FAM83F: variants seen among roughly 807,000 people sequenced by gnomAD.
FAM83F encodes the protein protein FAM83F.
A neutral mutation model predicts 42.9 loss-of-function variants in FAM83F; 45 were observed. That is an observed-to-expected ratio of 1.05 (90% CI 0.83 to 1.35). The LOEUF is 1.35. Ranked by LOEUF, FAM83F falls within the 40% of genes most tolerant of loss-of-function variation. The pLI, the probability that FAM83F is intolerant of heterozygous loss-of-function variation, is 0.00. For missense variants in FAM83F, 617 were observed against 695.9 expected (o/e 0.89, Z 1.28); for synonymous variants, 306 against 298.3 (o/e 1.03, Z -0.27).
intron 1 of FAM83F, among the ~76,000 whole-genome samples, chr22:40,005,631 G>T (rs1031612410): frequency 1.3e-5 from 2 of 152,194 alleles, no homozygotes; most frequent in Admixed American, 6.5e-5. Flanking sequence ...ATTCAACCTT[G>T]TCGAGAGTGA....
intron 4 of FAM83F, among the ~76,000 whole-genome samples, chr22:40,025,857 C>T (rs568609540): frequency 2.8e-4 from 43 of 152,312 alleles, no homozygotes; most frequent in African/African-American, 9.1e-4. Context: ...CAGCCGACTC[C>T]GTGGCGACTG....
At position 40,041,504 on chromosome 22, in the gene FAM83F, A is replaced by C. The variant is rs1460704773; in HGVS notation, c.*11939A>C. On this transcript the variant is annotated 3_prime_UTR_variant, in exon 5 of 5. Transcript: ENST00000333407. ...GCTTAACATTCACACCAGGCTGAGTAAGCCCCAAAAGTCCTGCCATTGGCT... is the reference window on the plus strand; with the variant it reads ...GCTTAACATTCACACCAGGCTGAGTCAGCCCCAAAAGTCCTGCCATTGGCT... The C allele has an allele frequency of 6.6e-6, 1 of 152,224 alleles. No individual in the cohort carries two copies. The highest frequency in any genetic ancestry group is 1.5e-5 in the Non-Finnish European group (1 of 68,038). The allele number at this position is 152,224 out of a possible 1,614,324, so 9.4% of individuals were successfully genotyped here.
At chr22:40,001,255 T>TA (rs1447744534) in intron 1 of FAM83F, among the ~76,000 whole-genome samples, 1 of 152,144 alleles carries the variant, frequency 6.6e-6, no homozygotes, top group Non-Finnish European at 1.5e-5. Context: ...TCTGACCACT[T>TA]ACTCACTGTG....
intron 4 of FAM83F, among the ~76,000 whole-genome samples, chr22:40,027,921 G>T (rs545255684): frequency 1.5e-5 from 2 of 129,584 alleles, no homozygotes; most frequent in East Asian, 5.4e-4. Flanking sequence ...AGGTTGATTT[G>T]CTTACCTGCC....
At chr22:40,003,930 G>C (rs577284843) in intron 1 of FAM83F, among the ~76,000 whole-genome samples, 4 of 152,212 alleles carry the variant, frequency 2.6e-5, no homozygotes, top group Admixed American at 2.0e-4. Context: ...TCAGCAGTGA[G>C]TCAGGAGATG....
At chr22:39,997,198 G>A (rs1156634910) in intron 1 of FAM83F, among the ~76,000 whole-genome samples, 1 of 152,218 alleles carries the variant, frequency 6.6e-6, no homozygotes, top group Non-Finnish European at 1.5e-5. Context: ...CACTGCCCCA[G>A]TGTCTGAAAT....
rs1601770045 is a variant in FAM83F, at chr22:40,019,924, A to G, written c.695A>G (p.Tyr232Cys). ...RVRSVTGVGFYMPMGRIKGTL... is the reference protein window; with the variant it reads ...RVRSVTGVGFCMPMGRIKGTL... Reference sequence around the variant, plus strand: ...CGCTCTGTGACAGGCGTCGGCTTCTACATGCCCATGGGGAGGATCAAGGGG... The same window carrying G: ...CGCTCTGTGACAGGCGTCGGCTTCTGCATGCCCATGGGGAGGATCAAGGGG... Residue 232 changes from tyrosine to cysteine, a missense_variant, in exon 3 of 5, where the codon TAC (tyrosine) becomes TGC (cysteine). By Grantham distance (194) the Tyr-to-Cys change is radical. Transcript: ENST00000333407. The G allele has an allele frequency of 1.4e-5, 22 of 1,613,436 alleles. No homozygotes were observed. Among genetic ancestry groups the G allele is most frequent in the Non-Finnish European group, 1.9e-5 (22 of 1,179,662 alleles).
rs2067629716 is a variant in FAM83F, at chr22:40,037,192, T to G, written c.*7627T>G. The stretch of plus-strand genomic sequence containing the variant: ...TTCGAAACCAGCCTGGCCAACGTGG[T>G]GAAACCCTGTCTCTATTAAAAATAC... On this transcript the variant is annotated 3_prime_UTR_variant, in exon 5 of 5. Coordinates refer to ENST00000333407, the MANE Select transcript of FAM83F (RefSeq NM_138435.4). 1 of 152,146 alleles carries G rather than the reference T, an allele frequency of 6.6e-6. No homozygotes were observed. Among genetic ancestry groups the G allele is most frequent in the African/African-American group, 2.4e-5 (1 of 41,410 alleles). 9.4% of individuals were successfully genotyped at this position (152,146 alleles called of 1,614,324 possible). A position where few individuals can be genotyped will look rare whatever the true frequency, so the allele number is the denominator to read the frequency against.
rs1418065970 is a variant in FAM83F, at chr22:40,019,147, C to G, written c.490-21C>G. On this transcript the variant is annotated intron_variant, in intron 1 of 4. Coordinates refer to ENST00000333407, the MANE Select transcript of FAM83F (RefSeq NM_138435.4). ...GGGCGTGTAGACACCGTGTGCCTCA[C>G]CAGTGCCTTTCCCCACCCAGGTCAT... The G allele has an allele frequency of 1.9e-6, 3 of 1,612,510 alleles. No individual in the cohort carries two copies. The South Asian group carries it at 3.3e-5, about 18-fold the overall frequency.
rs1323282141 is a variant in FAM83F, at chr22:40,035,991, T to G, written c.*6426T>G. ...TGTTCACCTGAAGGAAGCTACAGAG[T>G]TCAGGTTTCTTTTTTCTTTCTTTCT... is the stretch of plus-strand genomic sequence containing the variant. On this transcript the variant is annotated 3_prime_UTR_variant, in exon 5 of 5. Transcript: ENST00000333407. 1 of 152,086 alleles carries G rather than the reference T, an allele frequency of 6.6e-6. No homozygotes were observed. The highest frequency in any genetic ancestry group is 1.9e-4 in the East Asian group (1 of 5,182). The allele number at this position is 152,086 out of a possible 1,614,324, so 9.4% of individuals were successfully genotyped here.
chr22:40,042,285 G>T lies in FAM83F; in HGVS notation c.*12720G>T, dbSNP rs2067654832. ...TTGTCTCTGGGAGGGAAGGCACAAT[G>T]AGGTGGAGTGGACAAATTGCTGAGG... On this transcript the variant is annotated 3_prime_UTR_variant, in exon 5 of 5. Transcript: ENST00000333407. The T allele has an allele frequency of 6.6e-6, 1 of 152,222 alleles. No homozygotes were observed. 9.4% of individuals were successfully genotyped at this position (152,222 alleles called of 1,614,324 possible). A position where few individuals can be genotyped will look rare whatever the true frequency, so the allele number is the denominator to read the frequency against.
In FAM83F at chr22:40,021,853, A is replaced by C; in HGVS notation, c.1343A>C (p.Lys448Thr). The C allele has an allele frequency of 6.2e-7, 1 of 1,612,462 alleles. No individual in the cohort carries two copies. Among genetic ancestry groups the C allele is most frequent in the Non-Finnish European group, 8.5e-7 (1 of 1,179,572 alleles). The change falls in exon 4 of 5, where the codon AAG becomes ACG. Residue 448 changes from lysine to threonine, a missense_variant. Physicochemically the swap from Lys to Thr is moderately conservative, Grantham distance 78. Coordinates refer to ENST00000333407, the MANE Select transcript of FAM83F (RefSeq NM_138435.4). This position sits in a 1 kb window ranked among gnomAD's most constrained non-coding sequence, Gnocchi z 8.7. ...AGCAGGCTCTTCAGTCGCCGAGCCA[A>C]GAGGCCTGCGGCGCCCAATGGCATG... ...FSSRLFSRRA[K>T]RPAAPNGMAS...
chr22:39,995,175 G>A lies in FAM83F; in HGVS notation c.133G>A (p.Ala45Thr). 2 of 1,479,564 alleles carry A rather than the reference G, an allele frequency of 1.4e-6. No individual in the cohort carries two copies. The highest frequency in any genetic ancestry group is 2.6e-5 in the East Asian group (1 of 38,678). The allele number at this position is 1,479,564 out of a possible 1,614,324, so 91.7% of individuals were successfully genotyped here. A position where few individuals can be genotyped will look rare whatever the true frequency, so the allele number is the denominator to read the frequency against. The change falls in exon 1 of 5, where the codon GCC becomes ACC. Residue 45 changes from alanine to threonine, a missense_variant. By Grantham distance (58) the Ala-to-Thr change is moderately conservative. Coordinates refer to ENST00000333407, the MANE Select transcript of FAM83F (RefSeq NM_138435.4). This position sits in a 1 kb window ranked among gnomAD's most constrained non-coding sequence, Gnocchi z 4.6. Reference protein sequence around the residue: ...LEALLGGGEQAYRERLKEEQL... With the variant: ...LEALLGGGEQTYRERLKEEQL... ...GGCGCTGCTGGGCGGCGGCGAGCAG[G>A]CCTACCGCGAGCGGCTCAAGGAGGA...
At chr22:39,998,657 A>G (rs2067382546) in intron 1 of FAM83F, 1 of 152,156 alleles carries the variant, frequency 6.6e-6, no homozygotes, top group Non-Finnish European at 1.5e-5. Context: ...AGCCCTTCCC[A>G]AACCGCCATT....
At chr22:40,005,633 C>T (rs895802506) in intron 1 of FAM83F, among the ~76,000 whole-genome samples, 17 of 152,188 alleles carry the variant, frequency 1.1e-4, no homozygotes, top group Admixed American at 1.1e-3. Flanking sequence ...TCAACCTTGT[C>T]GAGAGTGATG....
At chr22:40,015,312 C>T (rs995817971) in intron 1 of FAM83F, among the ~76,000 whole-genome samples, 1 of 152,214 alleles carries the variant, frequency 6.6e-6, no homozygotes, top group African/African-American at 2.4e-5. Flanking sequence ...TTGGACGAGA[C>T]ATACCCACAT....
chr22:40,006,418 C>A (rs1360910490), intron 1 of FAM83F, among the ~76,000 whole-genome samples: 1 of 152,164 alleles, frequency 6.6e-6, no homozygotes, highest in Non-Finnish European at 1.5e-5. Flanking sequence ...TGGGGAGACA[C>A]CCTCATGTGC....
At position 40,019,308 on chromosome 22, in the gene FAM83F, CCTGCAGCTCACTGA is replaced by C. The variant is rs770049478; in HGVS notation, c.633_646del (p.Gln212ProfsTer36). 28 of 1,613,932 alleles carry C rather than the reference CCTGCAGCTCACTGA, an allele frequency of 1.7e-5. No individual in the cohort carries two copies. In the African/African-American group the frequency reaches 3.2e-4, roughly 18 times the overall value. ...AGTATTTCCTGGAGATGTGTCAGGACCTGCAGCTCACTGACTTCCGGATTCGGGTAAGTTGCACC... is the reference window on the plus strand; with the variant it reads ...AGTATTTCCTGGAGATGTGTCAGGACCTTCCGGATTCGGGTAAGTTGCACC... On this transcript the variant is annotated frameshift_variant, in exon 2 of 5. Coordinates refer to ENST00000333407, the MANE Select transcript of FAM83F (RefSeq NM_138435.4). LOFTEE classifies it high-confidence loss of function.
intron 1 of FAM83F, among the ~76,000 whole-genome samples, chr22:40,009,454 G>A (rs1275691952): frequency 6.6e-6 from 1 of 152,224 alleles, no homozygotes; most frequent in Non-Finnish European, 1.5e-5. Flanking sequence ...CTGCTGTGCA[G>A]GATGAATTGG....
Sources: allele counts gnomAD v4.1 joint callset (sites outside exome capture counted in the v4.1 genomes callset), GRCh38; gene constraint gnomAD v4.1.1; non-coding constraint Gnocchi (gnomAD v3.1); transcripts MANE v1.5; gene names NCBI Gene and HGNC (gene_info 2026-07-23, HGNC 2026-07-21).